CACNA2D2: variants seen among roughly 807,000 people sequenced by gnomAD.
CACNA2D2 encodes calcium voltage-gated channel auxiliary subunit alpha2delta 2, also known as voltage-dependent calcium channel subunit alpha-2/delta-2.
A neutral mutation model predicts 166.4 loss-of-function variants in CACNA2D2; 48 were observed. The observed-to-expected ratio is 0.29, with a 90% CI of 0.23 to 0.37. The LOEUF is 0.37. CACNA2D2 is among the 10% of genes least tolerant of loss of function. The pLI is 1.00. For synonymous variants in CACNA2D2, 561 were observed against 573.7 expected, an observed-to-expected ratio of 0.98 and a Z score of 0.32; for missense variants, 1,122 against 1,433.0, an observed-to-expected ratio of 0.78 and a Z score of 3.50.
At chr3:50,476,340 C>T in intron 1 of CACNA2D2, 141 bp from the exon 2 acceptor site, 1 of 645,266 alleles carries the variant, frequency 1.5e-6, no homozygotes, top group South Asian at 1.8e-5. Flanking sequence ...AGCAAGGAAC[C>T]AGCAAGCACC....
chr3:50,460,247 G>T (rs1401312119), intron 2 of CACNA2D2, among the ~76,000 whole-genome samples: 13 of 152,056 alleles, frequency 8.5e-5, no homozygotes, highest in Admixed American at 8.5e-4. Context: ...TGCAAAAACT[G>T]GTAAAATCCA....
chr3:50,392,665 G>A (rs1705941119), intron 4 of CACNA2D2, among the ~76,000 whole-genome samples: 1 of 152,218 alleles, frequency 6.6e-6, no homozygotes, highest in Admixed American at 6.5e-5. Context: ...GCCATCAGCG[G>A]CTTGGCACCC....
intron 22 of CACNA2D2, among the ~76,000 whole-genome samples, chr3:50,373,290 C>T (rs1267679882): frequency 2.0e-5 from 3 of 151,036 alleles, no homozygotes; most frequent in African/African-American, 7.3e-5. Flanking sequence ...AGCAAGAAAA[C>T]TCAAAGGAGA....
chr3:50,431,206 T>A (rs1708046653), intron 3 of CACNA2D2, among the ~76,000 whole-genome samples: 2 of 152,126 alleles, frequency 1.3e-5, no homozygotes, highest in South Asian at 4.1e-4. Flanking sequence ...ACACTCAGAC[T>A]GCAAACAAAT....
Position 50,379,396 on chromosome 3 carries a change from C to A in CACNA2D2, c.1152+36G>T. 1.2e-6 allele frequency: 2 copies of A among 1,607,104 alleles called. No individual in the cohort carries two copies. Among genetic ancestry groups the A allele is most frequent in the Non-Finnish European group, 1.7e-6 (2 of 1,175,844 alleles). On this transcript the variant is annotated intron_variant, in intron 11 of 37. Coordinates refer to ENST00000424201, the MANE Select transcript of CACNA2D2 (RefSeq NM_006030.4). This position sits in a 1 kb window ranked among gnomAD's most constrained non-coding sequence, Gnocchi z 6.5. ...GTACACCAAGCCAGGGCCCTCTACTCCCCCAGCCGCCCACTTGCCCACCCA... is the reference window on the plus strand; with the variant it reads ...GTACACCAAGCCAGGGCCCTCTACTACCCCAGCCGCCCACTTGCCCACCCA...
intron 1 of CACNA2D2, among the ~76,000 whole-genome samples, chr3:50,483,521 C>A (rs1266337701): frequency 6.6e-6 from 1 of 152,188 alleles, no homozygotes; most frequent in African/African-American, 2.4e-5. Flanking sequence ...GCAGTCTGTG[C>A]CTCCCCCTCA....
At chr3:50,467,920 T>G (rs1709888406) in intron 2 of CACNA2D2, among the ~76,000 whole-genome samples, 1 of 152,194 alleles carries the variant, frequency 6.6e-6, no homozygotes, top group African/African-American at 2.4e-5. Context: ...AGCCTCCATC[T>G]CCTGTCTGGT....
chr3:50,443,270 G>A (rs1350186848), intron 2 of CACNA2D2, among the ~76,000 whole-genome samples: 1 of 152,208 alleles, frequency 6.6e-6, no homozygotes, highest in South Asian at 2.1e-4. Flanking sequence ...CACCCACCCT[G>A]GCTCTGCTCT....
chr3:50,399,034 T>C (rs1706301908), intron 3 of CACNA2D2, among the ~76,000 whole-genome samples: 2 of 152,210 alleles, frequency 1.3e-5, no homozygotes, highest in South Asian at 4.1e-4. Flanking sequence ...GGGGCCAGGA[T>C]GGGCACCCCT....
intron 2 of CACNA2D2, among the ~76,000 whole-genome samples, chr3:50,465,419 G>C (rs1709789215): frequency 6.6e-6 from 1 of 152,150 alleles, no homozygotes; most frequent in Non-Finnish European, 1.5e-5. Context: ...CCAGCTTCCG[G>C]GTCTCCCTGC....
rs368865265 is a variant in CACNA2D2, at chr3:50,365,214, G to A, written c.3099-30C>T. 112 of 1,606,318 alleles carry A rather than the reference G, an allele frequency of 7.0e-5. No individual in the cohort carries two copies. Among genetic ancestry groups the A allele is most frequent in the Middle Eastern group, 3.4e-4 (2 of 5,852 alleles). ...GGGCAGCCCGGAAAGGCGGGGCGTT[G>A]AGTTTGCCCCGCCCTGACCCACCCC... On this transcript the variant is annotated intron_variant, in intron 35 of 37. Coordinates refer to ENST00000424201, the MANE Select transcript of CACNA2D2 (RefSeq NM_006030.4). This position sits in a 1 kb window ranked among gnomAD's most constrained non-coding sequence, Gnocchi z 4.5.
intron 1 of CACNA2D2, among the ~76,000 whole-genome samples, chr3:50,497,347 G>A (rs1698765388): frequency 6.6e-6 from 1 of 152,228 alleles, no homozygotes; most frequent in African/African-American, 2.4e-5. Flanking sequence ...GGCTGGGCTT[G>A]CCCTTGACAG....
intron 2 of CACNA2D2, among the ~76,000 whole-genome samples, chr3:50,470,049 A>G (rs914766824): frequency 7.9e-5 from 12 of 152,166 alleles, no homozygotes; most frequent in African/African-American, 2.4e-4. Flanking sequence ...TGGCCTCCAC[A>G]GAAACCTGGG....
intron 1 of CACNA2D2, among the ~76,000 whole-genome samples, chr3:50,483,238 A>G (rs746360416): frequency 2.0e-5 from 3 of 152,148 alleles, no homozygotes; most frequent in Non-Finnish European, 4.4e-5. Context: ...TGCCTCCAGG[A>G]GCACCGTCCC....
Position 50,364,955 on chromosome 3 carries a change from T to G in CACNA2D2, c.3224A>C (p.Gln1075Pro). ...QKETHSDGPE[Q>P]CELVQRPRYR... is the part of the protein sequence containing the mutation. ...TCGCGGTCTCTGCACTAGCTCACAC[T>G]GCTCCGGGCCGTCCGCTGGGCATGG... is the stretch of plus-strand genomic sequence containing the variant. The change falls in exon 37 of 38, where the codon CAG becomes CCG. Residue 1075 changes from glutamine to proline, a missense_variant. By Grantham distance (76) the Gln-to-Pro change is moderately conservative. Coordinates refer to ENST00000424201, the MANE Select transcript of CACNA2D2 (RefSeq NM_006030.4). 1 of 1,612,248 alleles carries G rather than the reference T, an allele frequency of 6.2e-7. No homozygotes were observed. The highest frequency in any genetic ancestry group is 8.5e-7 in the Non-Finnish European group (1 of 1,179,570).
chr3:50,375,872 C>G lies in CACNA2D2; in HGVS notation c.1782G>C (p.Arg594=). ...LEDENKEEIR[R]SMIDGNKGHK... ...GGCCCTTGTTGCCATCAATCATGCT[C>G]CGACGGATCTGGAAGGGCCAGAGAT... Residue 594 remains arginine, a synonymous_variant, in exon 20 of 38, where the codon CGG becomes CGC. Coordinates refer to ENST00000424201, the MANE Select transcript of CACNA2D2 (RefSeq NM_006030.4). This position sits in a 1 kb window ranked among gnomAD's most constrained non-coding sequence, Gnocchi z 4.0. The G allele has an allele frequency of 1.9e-5, 31 of 1,613,020 alleles. No individual in the cohort carries two copies. The highest frequency in any genetic ancestry group is 2.5e-5 in the Non-Finnish European group (30 of 1,179,984).
At chr3:50,502,164 C>T (rs34704833) in intron 1 of CACNA2D2, among the ~76,000 whole-genome samples, 17,532 of 152,156 alleles carry the variant, frequency 0.12, 1,152 homozygotes, top group Non-Finnish European at 0.14. Context: ...TCCCTTTCCC[C>T]GAGGCCAGAC....
chr3:50,498,867 G>A (rs528552694), intron 1 of CACNA2D2, among the ~76,000 whole-genome samples: 2 of 152,344 alleles, frequency 1.3e-5, no homozygotes, highest in Admixed American at 1.3e-4. Context: ...GCAGCCAAGT[G>A]TCTGACAGAT....
Position 50,367,916 on chromosome 3 carries a change from G to T in CACNA2D2, c.2144-14C>A, listed in dbSNP as rs1559876740. The T allele has an allele frequency of 6.6e-7, 1 of 1,512,684 alleles. No individual in the cohort carries two copies. The highest frequency in any genetic ancestry group is 2.3e-5 in the East Asian group (1 of 43,512). 93.7% of individuals were successfully genotyped at this position (1,512,684 alleles called of 1,614,324 possible). A position where few individuals can be genotyped will look rare whatever the true frequency, so the allele number is the denominator to read the frequency against. ...GGAAGTTGTTGCCTGGAACAGGAGGGGAGGGGTGGGGGTGGGGGCATCTTC... is the reference window on the plus strand; with the variant it reads ...GGAAGTTGTTGCCTGGAACAGGAGGTGAGGGGTGGGGGTGGGGGCATCTTC... On this transcript the variant is annotated splice_polypyrimidine_tract_variant and intron_variant, in intron 24 of 37. Coordinates refer to ENST00000424201, the MANE Select transcript of CACNA2D2 (RefSeq NM_006030.4). This position sits in a 1 kb window ranked among gnomAD's most constrained non-coding sequence, Gnocchi z 6.5.
Sources: allele counts gnomAD v4.1 joint callset (sites outside exome capture counted in the v4.1 genomes callset), GRCh38; gene constraint gnomAD v4.1.1; non-coding constraint Gnocchi (gnomAD v3.1); transcripts MANE v1.5; gene names NCBI Gene and HGNC (gene_info 2026-07-23, HGNC 2026-07-21).